Variants in ARHGAP15 observed in about 807,000 individuals in gnomAD.
ARHGAP15 encodes the protein Rho GTPase activating protein 15, also known as rho GTPase-activating protein 15.
In ARHGAP15, 51 loss-of-function variants were observed where a neutral mutation model predicts 63.7. That is an observed-to-expected ratio of 0.80 (90% CI 0.64 to 1.01). The LOEUF (loss-of-function observed/expected upper bound fraction) is 1.01, where lower values mean the gene tolerates loss of function less well. ARHGAP15 is among the 50% of genes least tolerant of loss of function. ARHGAP15 has a pLI of 0.00. For missense variants in ARHGAP15, 560 were observed against 564.6 expected (o/e 0.99, Z 0.08); for synonymous variants, 191 against 193.8 (o/e 0.99, Z 0.12).
chr2:143,625,102 C>A lies in ARHGAP15; in HGVS notation c.1138+835C>A, dbSNP rs1046288675. Among the ~76,000 whole-genome samples the A allele has an allele frequency of 3.9e-5, 6 of 151,954 alleles. 1 individual carries two copies. The highest frequency in any genetic ancestry group is 4.2e-4 in the South Asian group (2 of 4,802). Reference sequence around the variant, plus strand: ...TGACAGCTTGGAAAAAGTTTCCTGGCAAGCCAGCTGATTTAAGGAAGAAAA... The same window carrying A: ...TGACAGCTTGGAAAAAGTTTCCTGGAAAGCCAGCTGATTTAAGGAAGAAAA... On this transcript the variant is annotated intron_variant, in intron 12 of 13. Transcript: ENST00000295095.
intron 10 of ARHGAP15, among the ~76,000 whole-genome samples, chr2:143,556,100 TC>T (rs1695785537): frequency 6.6e-6 from 1 of 151,958 alleles, no homozygotes; most frequent in South Asian, 2.1e-4. Context: ...TCTGGAGGTT[TC>T]CCCCCTACCC....
At chr2:143,496,244 G>A (rs1419193411) in intron 9 of ARHGAP15, among the ~76,000 whole-genome samples, 1 of 152,074 alleles carries the variant, frequency 6.6e-6, no homozygotes, top group Admixed American at 6.6e-5. Context: ...AGGACACCAT[G>A]CGAGATGGAG....
chr2:143,193,319 C>T (rs1691750598), intron 2 of ARHGAP15: 2 of 152,616 alleles, frequency 1.3e-5, no homozygotes, highest in Non-Finnish European at 2.9e-5. Flanking sequence ...AGTCGGCAGC[C>T]AGTAGACCAT....
At chr2:143,260,797 C>T (rs968409760) in intron 6 of ARHGAP15, among the ~76,000 whole-genome samples, 12 of 152,078 alleles carry the variant, frequency 7.9e-5, no homozygotes, top group Non-Finnish European at 1.6e-4. Flanking sequence ...TGTAATTTGG[C>T]TTATGGAAGA....
intron 12 of ARHGAP15, among the ~76,000 whole-genome samples, chr2:143,651,179 G>A (rs183003759): frequency 1.3e-5 from 2 of 152,052 alleles, no homozygotes; most frequent in South Asian, 2.1e-4. Flanking sequence ...AAAAGCTATA[G>A]TAATACAAAG....
At chr2:143,156,076 C>T (rs1279913585) in intron 2 of ARHGAP15, among the ~76,000 whole-genome samples, 1 of 151,598 alleles carries the variant, frequency 6.6e-6, no homozygotes, top group African/African-American at 2.4e-5. Context: ...AAATCTCTTC[C>T]TTAAAATCTC....
intron 6 of ARHGAP15, among the ~76,000 whole-genome samples, chr2:143,284,163 A>G (rs1285189945): frequency 6.6e-6 from 1 of 152,196 alleles, no homozygotes; most frequent in Non-Finnish European, 1.5e-5. Flanking sequence ...ACTTTGGGCC[A>G]AGGCACAAGA....
At chr2:143,492,824 AG>A (rs989073467) in intron 9 of ARHGAP15, among the ~76,000 whole-genome samples, 1 of 152,112 alleles carries the variant, frequency 6.6e-6, no homozygotes, top group Non-Finnish European at 1.5e-5. Flanking sequence ...TGGGAGGCAG[AG>A]GCGGGCAGAT....
At chr2:143,636,783 C>G (rs1680339475) in intron 12 of ARHGAP15, among the ~76,000 whole-genome samples, 1 of 152,140 alleles carries the variant, frequency 6.6e-6, no homozygotes, top group Non-Finnish European at 1.5e-5. Flanking sequence ...CTCAAATGTG[C>G]CCTCCTAAGG....
At chr2:143,619,779 C>T (rs1457520565) in intron 11 of ARHGAP15, among the ~76,000 whole-genome samples, 1 of 152,200 alleles carries the variant, frequency 6.6e-6, no homozygotes, top group African/African-American at 2.4e-5. Flanking sequence ...TTCCTCTTCA[C>T]TCCTCTCTGC....
At chr2:143,355,141 G>A (rs1309906105) in intron 6 of ARHGAP15, among the ~76,000 whole-genome samples, 1 of 152,164 alleles carries the variant, frequency 6.6e-6, no homozygotes, top group African/African-American at 2.4e-5. Context: ...AGCAATAAAT[G>A]TGATGAAGCT....
chr2:143,334,088 T>C (rs1684665664), intron 6 of ARHGAP15, among the ~76,000 whole-genome samples: 2 of 152,182 alleles, frequency 1.3e-5, no homozygotes, highest in African/African-American at 4.8e-5. Context: ...ACACTACTTA[T>C]CAAGCAGGAT....
intron 8 of ARHGAP15, among the ~76,000 whole-genome samples, chr2:143,486,852 T>C (rs956988251): frequency 7.2e-5 from 11 of 152,178 alleles, no homozygotes; most frequent in African/African-American, 1.2e-4. Context: ...GTAGTAATTA[T>C]ACATCAATAA....
At chr2:143,501,208 G>T (rs573671124) in intron 9 of ARHGAP15, among the ~76,000 whole-genome samples, 36 of 152,270 alleles carry the variant, frequency 2.4e-4, no homozygotes, top group African/African-American at 8.2e-4. Context: ...TGCTCCCTTG[G>T]ACTCCCTCAT....
chr2:143,293,259 T>C (rs1251642156), intron 6 of ARHGAP15, among the ~76,000 whole-genome samples: 1 of 152,024 alleles, frequency 6.6e-6, no homozygotes, highest in Non-Finnish European at 1.5e-5. Flanking sequence ...ATTCATCGAG[T>C]AATGCTCTAG....
At chr2:143,292,895 A>C (rs993825459) in intron 6 of ARHGAP15, among the ~76,000 whole-genome samples, 2 of 152,012 alleles carry the variant, frequency 1.3e-5, no homozygotes, top group East Asian at 3.9e-4. Flanking sequence ...TATCGACCTC[A>C]TTAGTTTTAA....
intron 1 of ARHGAP15, among the ~76,000 whole-genome samples, chr2:143,132,658 C>T (rs906798121): frequency 1.3e-5 from 2 of 152,206 alleles, no homozygotes; most frequent in Non-Finnish European, 2.9e-5. Context: ...GCTACAGCTG[C>T]AGCACTTGGG....
intron 6 of ARHGAP15, among the ~76,000 whole-genome samples, chr2:143,276,912 C>G (rs1397965124): frequency 6.6e-6 from 1 of 152,178 alleles, no homozygotes; most frequent in Non-Finnish European, 1.5e-5. Flanking sequence ...GAAACATTGG[C>G]TTAGCTTTAG....
chr2:143,766,994 A>G (rs564144781), intron 13 of ARHGAP15: 2 of 152,296 alleles, frequency 1.3e-5, no homozygotes, highest in Admixed American at 6.5e-5. Flanking sequence ...CAGAGACCCC[A>G]CTGTCCTGTA....
Sources: allele counts gnomAD v4.1 joint callset (sites outside exome capture counted in the v4.1 genomes callset), GRCh38; gene constraint gnomAD v4.1.1; transcripts MANE v1.5; gene names NCBI Gene and HGNC (gene_info 2026-07-23, HGNC 2026-07-21).